SGCZ: variants seen among roughly 807,000 people sequenced by gnomAD.
SGCZ encodes the protein sarcoglycan zeta, also known as zeta-sarcoglycan.
Under a neutral mutation model 41.3 loss-of-function variants are expected in SGCZ, and 40 were observed. The ratio of observed to expected loss-of-function variants is 0.97; its 90% confidence interval spans 0.75 to 1.26. The LOEUF is 1.26. SGCZ is among the 50% of genes most tolerant of loss of function. The pLI, the probability that SGCZ is intolerant of heterozygous loss-of-function variation, is 0.00. For missense variants in SGCZ, 552 were observed against 369.8 expected, an observed-to-expected ratio of 1.49 and a Z score of -4.04; for synonymous variants, 206 against 137.5, an observed-to-expected ratio of 1.50 and a Z score of -3.49.
chr8:14,098,789 T>G (rs1266068155), intron 7 of SGCZ, among the ~76,000 whole-genome samples: 1 of 151,584 alleles, frequency 6.6e-6, no homozygotes, highest in Non-Finnish European at 1.5e-5. Context: ...ACTGTAAGAG[T>G]AAGTAAGGAT....
At chr8:14,105,015 T>C (rs1802157644) in intron 6 of SGCZ, among the ~76,000 whole-genome samples, 1 of 152,140 alleles carries the variant, frequency 6.6e-6, no homozygotes, top group Non-Finnish European at 1.5e-5. Flanking sequence ...CAGAAACTCT[T>C]CAAACTGTAG....
At chr8:15,078,237 A>G (rs1456793117) in intron 1 of SGCZ, among the ~76,000 whole-genome samples, 1 of 132,908 alleles carries the variant, frequency 7.5e-6, no homozygotes, top group Non-Finnish European at 1.5e-5. Flanking sequence ...TTTCCTGGTC[A>G]TGAGACAAGA....
intron 1 of SGCZ, among the ~76,000 whole-genome samples, chr8:14,827,770 C>T (rs954668486): frequency 2.6e-5 from 4 of 152,046 alleles, no homozygotes; most frequent in African/African-American, 9.7e-5. Flanking sequence ...TATCATTTAA[C>T]TACATGAAAT....
At chr8:15,044,027 T>C (rs1379612249) in intron 1 of SGCZ, among the ~76,000 whole-genome samples, 2 of 152,198 alleles carry the variant, frequency 1.3e-5, no homozygotes, top group Non-Finnish European at 2.9e-5. Context: ...ACTCTGCCTA[T>C]ATTGCCATGC....
intron 6 of SGCZ, among the ~76,000 whole-genome samples, chr8:14,107,724 G>A (rs994418803): frequency 6.6e-6 from 1 of 151,974 alleles, no homozygotes; most frequent in Non-Finnish European, 1.5e-5. Context: ...CTGCAGCCAC[G>A]ACCTCCTGGG....
intron 4 of SGCZ, among the ~76,000 whole-genome samples, chr8:14,193,417 T>C (rs1215394290): frequency 2.0e-5 from 3 of 152,004 alleles, no homozygotes; most frequent in Non-Finnish European, 2.9e-5. Context: ...TATCTGAGTA[T>C]GTATGTAACT....
At chr8:14,523,972 T>G (rs1802865085) in intron 2 of SGCZ, among the ~76,000 whole-genome samples, 1 of 152,096 alleles carries the variant, frequency 6.6e-6, no homozygotes, top group South Asian at 2.1e-4. Flanking sequence ...TATCTTTGAG[T>G]TTACTGATAC....
chr8:14,708,833 G>GTGTC (rs1352606786), intron 1 of SGCZ, among the ~76,000 whole-genome samples: 2 of 151,792 alleles, frequency 1.3e-5, no homozygotes, highest in Admixed American at 1.3e-4. Context: ...GTGTGTGTGT[G>GTGTC]TGTGTGTATT....
intron 2 of SGCZ, among the ~76,000 whole-genome samples, chr8:14,433,027 A>C (rs1563325989): frequency 6.6e-6 from 1 of 152,118 alleles, no homozygotes; most frequent in Admixed American, 6.6e-5. Flanking sequence ...ATTGTTTCTC[A>C]AACTTAAAAA....
At chr8:15,039,510 C>T (rs1803997769) in intron 1 of SGCZ, among the ~76,000 whole-genome samples, 1 of 152,086 alleles carries the variant, frequency 6.6e-6, no homozygotes, top group Non-Finnish European at 1.5e-5. Context: ...TGCAAAATGT[C>T]AGTTACAGAG....
chr8:14,832,466 T>C (rs936675857), intron 1 of SGCZ, among the ~76,000 whole-genome samples: 1 of 152,082 alleles, frequency 6.6e-6, no homozygotes, highest in Non-Finnish European at 1.5e-5. Flanking sequence ...GGAAAACTGT[T>C]TTCTACCACC....
chr8:14,537,780 GTGTT>G (rs1803341660), intron 2 of SGCZ, among the ~76,000 whole-genome samples: 1 of 151,882 alleles, frequency 6.6e-6, no homozygotes, highest in Non-Finnish European at 1.5e-5. Flanking sequence ...ATGATAAAAT[GTGTT>G]TGTGAACGCT....
intron 1 of SGCZ, among the ~76,000 whole-genome samples, chr8:14,935,641 A>G (rs1402207589): frequency 1.3e-5 from 2 of 151,946 alleles, no homozygotes; most frequent in African/African-American, 4.8e-5. Context: ...GTCAAAGGCA[A>G]TTTATAGTAA....
intron 1 of SGCZ, among the ~76,000 whole-genome samples, chr8:15,078,234 G>C (rs1239368715): frequency 1.5e-5 from 2 of 137,184 alleles, no homozygotes; most frequent in Admixed American, 1.6e-4. Context: ...ATTTTTCCTG[G>C]TCATGAGACA....
intron 2 of SGCZ, among the ~76,000 whole-genome samples, chr8:14,338,389 A>T (rs1313807458): frequency 3.3e-5 from 5 of 152,150 alleles, no homozygotes; most frequent in Non-Finnish European, 5.9e-5. Context: ...TGGGTAGCTT[A>T]TGTAACTGAC....
intron 2 of SGCZ, among the ~76,000 whole-genome samples, chr8:14,371,520 T>TA (rs33998040): frequency 0.19 from 29,231 of 151,768 alleles, 3,528 homozygotes; most frequent in Non-Finnish European, 0.28. Context: ...TATGTAAATA[T>TA]AAAAAAAAGT....
intron 2 of SGCZ, among the ~76,000 whole-genome samples, chr8:14,327,662 C>T (rs1316821773): frequency 6.6e-6 from 1 of 152,176 alleles, no homozygotes; most frequent in Non-Finnish European, 1.5e-5. Flanking sequence ...TTGGAGTTTT[C>T]AGTCTTGAGC....
chr8:14,113,385 T>C (rs1802431274), intron 5 of SGCZ, among the ~76,000 whole-genome samples: 1 of 152,102 alleles, frequency 6.6e-6, no homozygotes, highest in Non-Finnish European at 1.5e-5. Context: ...TATTCTTACA[T>C]TTTATATTTT....
At chr8:14,622,062 A>G (rs1326757125) in intron 1 of SGCZ, among the ~76,000 whole-genome samples, 2 of 152,140 alleles carry the variant, frequency 1.3e-5, no homozygotes, top group East Asian at 3.9e-4. Flanking sequence ...CTAAGACTAG[A>G]TGAGGTCATC....
Sources: gnomAD v4.1 joint callset for allele counts (sites outside exome capture counted in the v4.1 genomes callset) on GRCh38, gnomAD v4.1.1 for gene constraint, MANE v1.5 for transcripts, NCBI Gene and HGNC (gene_info 2026-07-23, HGNC 2026-07-21) for gene names.